The following LRP5 variants were observed in gnomAD, a reference collection of about 807,000 sequenced individuals.
LRP5 encodes low-density lipoprotein receptor-related protein 5.
LRP5 carries 62 observed loss-of-function variants against 154.1 expected under a neutral mutation model. The ratio of observed to expected loss-of-function variants is 0.40; its 90% CI spans 0.33 to 0.50. The LOEUF (loss-of-function observed/expected upper bound fraction) is 0.50, where lower values mean the gene tolerates loss of function less well. Ranked by LOEUF, LRP5 falls within the 20% of genes least tolerant of loss-of-function variation. LRP5 has a pLI of 0.55. For missense variants in LRP5, 1,915 were observed against 2,336.7 expected (o/e 0.82, Z 3.72); for synonymous variants, 966 against 1,011.5 (o/e 0.96, Z 0.85).
chr11:68,448,029 C>T (rs143523714), intron 22 of LRP5, among the ~76,000 whole-genome samples: 221 of 152,314 alleles, frequency 1.5e-3, no homozygotes, highest in Middle Eastern at 6.8e-3. Flanking sequence ...AGAGGTTTAA[C>T]GGACTCACAG....
intron 1 of LRP5, among the ~76,000 whole-genome samples, chr11:68,344,292 A>G (rs729635): frequency 6.6e-6 from 1 of 152,066 alleles, no homozygotes; most frequent in Non-Finnish European, 1.5e-5. Flanking sequence ...TGCAGTTATA[A>G]CATCCCATTT....
intron 5 of LRP5, among the ~76,000 whole-genome samples, chr11:68,374,377 G>T (rs1184757852): frequency 6.6e-6 from 1 of 152,230 alleles, no homozygotes; most frequent in African/African-American, 2.4e-5. Context: ...CGAGTCTGCC[G>T]CGGCCGGGCA....
At position 68,438,543 on chromosome 11, in the gene LRP5, C is replaced by G. The variant is rs147671915; in HGVS notation, c.4209C>G (p.Val1403=). ...IILSLFVMGG[V]YFVCQRVVCQ... The stretch of plus-strand genomic sequence containing the variant: ...TCTCTCTCTTCGTCATGGGTGGTGT[C>G]TATTTTGTGTGCCAGCGCGTGGTGT... Residue 1403 remains valine, a synonymous_variant, in exon 20 of 23, where the codon GTC becomes GTG. Transcript: ENST00000294304. 3.6e-4 allele frequency: 584 copies of G among 1,614,208 alleles called. 4 individuals carry two copies. In the African/African-American group the frequency reaches 7.1e-3, roughly 20 times the overall value.
rs1325671368 is a variant in LRP5 at position 68,426,130 on chromosome 11, C to T, written c.3580C>T (p.Arg1194Cys). 9.9e-6 allele frequency: 16 copies of T among 1,613,020 alleles called. No homozygotes were observed. Among genetic ancestry groups the T allele is most frequent in the South Asian group, 2.2e-5 (2 of 91,092 alleles). ...GGACAAGCGGACTCGCATCCAGGGC[C>T]GTGTCGCCCACCTCACTGGCATCCA... Reference protein sequence around the residue: ...TGDKRTRIQGRVAHLTGIHAV... With the variant: ...TGDKRTRIQGCVAHLTGIHAV... The change falls in exon 16 of 23, where the codon CGT becomes TGT. Residue 1194 changes from arginine to cysteine, a missense_variant. Physicochemically the swap from Arg to Cys is radical, Grantham distance 180 (BLOSUM62 -3). Around this residue, in one of 3 missense-constraint regions of LRP5, gnomAD observed 1,094 missense variants for 1,210.1 expected, o/e 0.90. Transcript: ENST00000294304.
At chr11:68,428,390 C>T (rs545134009) in intron 16 of LRP5, among the ~76,000 whole-genome samples, 3 of 152,108 alleles carry the variant, frequency 2.0e-5, no homozygotes, top group Non-Finnish European at 4.4e-5. Flanking sequence ...GAAATGGATT[C>T]CCCCAATGTG....
chr11:68,430,821 T>C (rs3867142), intron 17 of LRP5, among the ~76,000 whole-genome samples: 3,511 of 152,268 alleles, frequency 0.023, 138 homozygotes, highest in African/African-American at 0.08. Flanking sequence ...ACCTGGACTT[T>C]AGGGCCAAAG....
intron 1 of LRP5, among the ~76,000 whole-genome samples, chr11:68,318,221 A>AT (rs1265318368): frequency 6.6e-6 from 1 of 150,828 alleles, no homozygotes; most frequent in Non-Finnish European, 1.5e-5. Context: ...CGCCCGGCTA[A>AT]TTTTTTGCAT....
chr11:68,305,172 G>C, the LRP5 span, among the ~76,000 whole-genome samples: 3 of 152,092 alleles, frequency 2.0e-5, no homozygotes, highest in East Asian at 5.8e-4. Flanking sequence ...CATGGGGGCA[G>C]ACCCCTCGTG....
intron 1 of LRP5, among the ~76,000 whole-genome samples, chr11:68,315,517 G>A (rs1016921830): frequency 2.0e-5 from 3 of 152,212 alleles, no homozygotes; most frequent in African/African-American, 7.2e-5. Flanking sequence ...CTACCTTTGT[G>A]TGCCTCAGTT....
At chr11:68,391,326 A>C (rs541968438) in intron 7 of LRP5, among the ~76,000 whole-genome samples, 1 of 152,128 alleles carries the variant, frequency 6.6e-6, no homozygotes, top group Non-Finnish European at 1.5e-5. Flanking sequence ...ATGTGTCCCC[A>C]TCGCACCATC....
chr11:68,443,902 A>G (rs1285149378), intron 21 of LRP5, among the ~76,000 whole-genome samples: 1 of 151,412 alleles, frequency 6.6e-6, no homozygotes, highest in Non-Finnish European at 1.5e-5. Flanking sequence ...CAGGTGATCC[A>G]CCCACCTCGG....
At chr11:68,350,404 G>A (rs932562006) in intron 2 of LRP5, among the ~76,000 whole-genome samples, 1 of 152,258 alleles carries the variant, frequency 6.6e-6, no homozygotes. Context: ...TGCCACAGGA[G>A]CCCGCCTGCC....
intron 19 of LRP5, 124 bp from the exon 20 acceptor site, chr11:68,438,322 A>C: frequency 1.0e-6 from 1 of 970,182 alleles, no homozygotes; most frequent in Non-Finnish European, 1.7e-6. Flanking sequence ...CAGCTCCCCC[A>C]CTTTCTCCCC....
chr11:68,443,599 T>TTTG (rs2098679812), intron 21 of LRP5, among the ~76,000 whole-genome samples: 1 of 94,060 alleles, frequency 1.1e-5, no homozygotes, highest in African/African-American at 3.9e-5. Flanking sequence ...TTTTTTTTTT[T>TTTG]GGTTATGTTC....
At chr11:68,330,235 C>T (rs1407060656) in intron 1 of LRP5, among the ~76,000 whole-genome samples, 2 of 151,842 alleles carry the variant, frequency 1.3e-5, no homozygotes, top group East Asian at 3.9e-4. Flanking sequence ...CCCCACCCCG[C>T]CCCCAGCCCC....
intron 7 of LRP5, among the ~76,000 whole-genome samples, chr11:68,402,430 G>A (rs1366806641): frequency 6.6e-6 from 1 of 152,210 alleles, no homozygotes; most frequent in African/African-American, 2.4e-5. Flanking sequence ...AGGAGACAGG[G>A]TGGAAAGCAT....
In LRP5 at chr11:68,390,034, C is replaced by A. The variant is rs756398181; in HGVS notation, c.1566C>A (p.Ala522=). ...AGGGGAAGCTCTACTGGGGAGACGC[C>A]AAGACAGACAAGATCGAGGTGAGGC... ...LQEGKLYWGD[A]KTDKIEVINV... Residue 522 remains alanine (A), a synonymous_variant, in exon 7 of 23, where the codon GCC becomes GCA. Coordinates refer to ENST00000294304, the MANE Select transcript of LRP5 (RefSeq NM_002335.4). The A allele has an allele frequency of 6.2e-7, 1 of 1,614,190 alleles. No homozygotes were observed. Among genetic ancestry groups the A allele is most frequent in the South Asian group, 1.1e-5 (1 of 91,084 alleles).
rs1404758320 is a variant in LRP5, at chr11:68,386,707, G to A, written c.1407G>A (p.Val469=). 3.1e-6 allele frequency: 5 copies of A among 1,612,836 alleles called. No homozygotes were observed. In the South Asian group the frequency reaches 5.5e-5, roughly 18 times the overall value. Residue 469 remains valine (V), a synonymous_variant, in exon 6 of 23, where the codon GTG becomes GTA. Coordinates refer to ENST00000294304, the MANE Select transcript of LRP5 (RefSeq NM_002335.4). This position sits in a 1 kb window ranked among gnomAD's most constrained non-coding sequence, Gnocchi z 7.9. ...DEPRAIALHP[V]MGLMYWTDWG... Reference sequence around the variant, plus strand: ...CCCGAGCCATCGCACTGCACCCCGTGATGGGGTAAGACGGGCGGGGGCTGG... The same window carrying A: ...CCCGAGCCATCGCACTGCACCCCGTAATGGGGTAAGACGGGCGGGGGCTGG...
chr11:68,422,561 A>C (rs1259506513), intron 13 of LRP5, among the ~76,000 whole-genome samples: 1 of 152,148 alleles, frequency 6.6e-6, no homozygotes, highest in Non-Finnish European at 1.5e-5. Context: ...CGGAGGCCCC[A>C]AAAGCCCAGG....
Sources: allele counts gnomAD v4.1 joint callset (sites outside exome capture counted in the v4.1 genomes callset), GRCh38; gene constraint gnomAD v4.1.1; regional missense constraint gnomAD v4.1.1; non-coding constraint Gnocchi (gnomAD v3.1); transcripts MANE v1.5; gene names NCBI Gene and HGNC (gene_info 2026-07-23, HGNC 2026-07-21).